Variants in GPC5 observed in about 807,000 individuals in gnomAD.
GPC5 encodes the protein glypican-5.
In GPC5, 47 loss-of-function variants were observed where a neutral mutation model predicts 53.9. The ratio of observed to expected loss-of-function variants is 0.87; its 90% confidence interval spans 0.69 to 1.11. The LOEUF is 1.11. GPC5 is among the 50% of genes most tolerant of loss of function. GPC5 has a pLI of 0.00. For synonymous variants in GPC5, 286 were observed against 263.3 expected, an observed-to-expected ratio of 1.09 and a Z score of -0.84; for missense variants, 748 against 713.1, an observed-to-expected ratio of 1.05 and a Z score of -0.56.
intron 2 of GPC5, among the ~76,000 whole-genome samples, chr13:91,629,734 T>C (rs2034107590): frequency 6.6e-6 from 1 of 152,276 alleles, no homozygotes; most frequent in East Asian, 1.9e-4. Context: ...TTGTAAAATG[T>C]CAGTAAGAAT....
At chr13:92,736,610 G>C (rs1298965515) in intron 7 of GPC5, among the ~76,000 whole-genome samples, 1 of 151,752 alleles carries the variant, frequency 6.6e-6, no homozygotes, top group African/African-American at 2.4e-5. Context: ...AGCAGCTTTT[G>C]ATGTGCTGCT....
chr13:92,436,382 C>G (rs1372837911), intron 7 of GPC5, among the ~76,000 whole-genome samples: 4 of 152,142 alleles, frequency 2.6e-5, no homozygotes, highest in African/African-American at 9.7e-5. Context: ...AAGTGCCTTT[C>G]TCTCATTCTT....
chr13:91,971,251 C>A (rs948644070), intron 6 of GPC5, among the ~76,000 whole-genome samples: 1 of 151,974 alleles, frequency 6.6e-6, no homozygotes, highest in African/African-American at 2.4e-5. Context: ...AGTTTATTTG[C>A]GTAGAGGTGT....
chr13:92,302,311 T>C (rs1336233334), intron 7 of GPC5, among the ~76,000 whole-genome samples: 3 of 152,120 alleles, frequency 2.0e-5, no homozygotes, highest in African/African-American at 7.2e-5. Context: ...ATTGTTGACA[T>C]TGATTTTTTA....
intron 7 of GPC5, among the ~76,000 whole-genome samples, chr13:92,501,352 A>G (rs911077291): frequency 6.6e-6 from 1 of 152,184 alleles, no homozygotes; most frequent in African/African-American, 2.4e-5. Context: ...AATGACAGAA[A>G]TGTGACAATA....
intron 2 of GPC5, among the ~76,000 whole-genome samples, chr13:91,586,680 A>G (rs1228748178): frequency 6.8e-6 from 1 of 147,252 alleles, no homozygotes; most frequent in Non-Finnish European, 1.5e-5. Context: ...CCCATGATCC[A>G]ATCACCCCCC....
At position 91,840,957 on chromosome 13, in the gene GPC5, G is replaced by C. The variant is rs574002231; in HGVS notation, c.1281-66980G>C. On this transcript the variant is annotated intron_variant, in intron 5 of 7. Coordinates refer to ENST00000377067, the MANE Select transcript of GPC5 (RefSeq NM_004466.6). Reference sequence around the variant, plus strand: ...TACTGTCTTTCATCTCATAACTGTGGATATATCCCTGAGAACCAGAAAAAA... The same window carrying C: ...TACTGTCTTTCATCTCATAACTGTGCATATATCCCTGAGAACCAGAAAAAA... Among the ~76,000 whole-genome samples the C allele has an allele frequency of 1.7e-4, 26 of 151,804 alleles. No homozygotes were observed. The South Asian group carries it at 5.4e-3, about 32-fold the overall frequency.
chr13:92,302,068 A>G (rs1296336435), intron 7 of GPC5, among the ~76,000 whole-genome samples: 5 of 152,198 alleles, frequency 3.3e-5, no homozygotes, highest in Non-Finnish European at 1.5e-5. Flanking sequence ...GAATATATAT[A>G]ATGCAGTAGA....
chr13:92,438,057 A>G (rs1267777811), intron 7 of GPC5, among the ~76,000 whole-genome samples: 2 of 152,144 alleles, frequency 1.3e-5, no homozygotes, highest in East Asian at 3.9e-4. Context: ...CATATCTTCA[A>G]CCCACCCTCC....
At chr13:92,136,802 T>C (rs2041787973) in intron 6 of GPC5, among the ~76,000 whole-genome samples, 1 of 152,210 alleles carries the variant, frequency 6.6e-6, no homozygotes, top group South Asian at 2.1e-4. Context: ...ATAGCAAATA[T>C]GGGATATTGC....
intron 7 of GPC5, among the ~76,000 whole-genome samples, chr13:92,235,675 C>T (rs192209261): frequency 1.3e-5 from 2 of 152,222 alleles, no homozygotes; most frequent in African/African-American, 4.8e-5. Flanking sequence ...AGTTTATTAG[C>T]AGTCCTGATT....
At chr13:91,519,815 T>A (rs963368194) in intron 2 of GPC5, among the ~76,000 whole-genome samples, 3 of 151,824 alleles carry the variant, frequency 2.0e-5, no homozygotes, top group African/African-American at 7.3e-5. Flanking sequence ...ATGATTTTTA[T>A]AGGAAGGTAA....
At chr13:92,658,957 CTCGCTCTG>C (rs1886238270) in intron 7 of GPC5, 1 of 104,642 alleles carries the variant, frequency 9.6e-6, no homozygotes, top group Non-Finnish European at 1.8e-5. Flanking sequence ...GAGACGGAGT[CTCGCTCTG>C]TCGCCCAGGC....
intron 7 of GPC5, among the ~76,000 whole-genome samples, chr13:92,149,512 G>A (rs569997939): frequency 6.6e-6 from 1 of 152,088 alleles, no homozygotes; most frequent in South Asian, 2.1e-4. Context: ...TTGTGTTTTG[G>A]TTTTCTCACA....
chr13:92,799,109 T>G (rs1403599670), intron 7 of GPC5, among the ~76,000 whole-genome samples: 2 of 151,738 alleles, frequency 1.3e-5, no homozygotes, highest in Non-Finnish European at 2.9e-5. Context: ...CAAAAGTCAC[T>G]CTTAGAGATT....
At chr13:92,622,524 C>G (rs1399447591) in intron 7 of GPC5, among the ~76,000 whole-genome samples, 10 of 152,126 alleles carry the variant, frequency 6.6e-5, no homozygotes, top group Non-Finnish European at 7.4e-5. Context: ...ACCCTACTCT[C>G]CTATGCTACT....
At chr13:91,405,889 A>G (rs1877287757) in intron 1 of GPC5, among the ~76,000 whole-genome samples, 1 of 152,140 alleles carries the variant, frequency 6.6e-6, no homozygotes, top group African/African-American at 2.4e-5. Context: ...CTCCCACCTC[A>G]GCCTTCTGAG....
chr13:92,535,531 T>C (rs1265965331), intron 7 of GPC5, among the ~76,000 whole-genome samples: 6 of 152,082 alleles, frequency 3.9e-5, no homozygotes, highest in Non-Finnish European at 8.8e-5. Flanking sequence ...TTCTGGCATC[T>C]CATTGGAGGC....
chr13:91,694,257 G>A (rs1594441471), intron 3 of GPC5, among the ~76,000 whole-genome samples: 1 of 152,246 alleles, frequency 6.6e-6, no homozygotes, highest in South Asian at 2.1e-4. Context: ...TCTTTTTTGG[G>A]AATATAGGCA....
Sources: gnomAD v4.1 joint callset for allele counts (sites outside exome capture counted in the v4.1 genomes callset) on GRCh38, gnomAD v4.1.1 for gene constraint, MANE v1.5 for transcripts, NCBI Gene and HGNC (gene_info 2026-07-23, HGNC 2026-07-21) for gene names.